Variants in SLC25A12 observed in about 807,000 individuals in gnomAD.
SLC25A12 encodes the protein solute carrier family 25 member 12.
In SLC25A12, 32 loss-of-function variants were observed where a neutral mutation model predicts 83.3. That is an observed-to-expected ratio of 0.38 (90% CI 0.29 to 0.52). The LOEUF (loss-of-function observed/expected upper bound fraction) is 0.52. Ranked by LOEUF, SLC25A12 falls within the 20% of genes least tolerant of loss-of-function variation. SLC25A12 has a pLI of 0.84. For missense variants in SLC25A12, 611 were observed against 835.6 expected, an observed-to-expected ratio of 0.73 and a Z score of 3.31; for synonymous variants, 267 against 291.1, an observed-to-expected ratio of 0.92 and a Z score of 0.84.
intron 3 of SLC25A12, among the ~76,000 whole-genome samples, chr2:171,857,350 G>A (rs1017613027): frequency 8.0e-5 from 12 of 149,550 alleles, no homozygotes; most frequent in Admixed American, 6.6e-4. Context: ...CAGCCTGGGC[G>A]ACAGACCAGA....
In SLC25A12 at chr2:171,787,870, T is replaced by A. The variant is rs751751584; in HGVS notation, c.1663A>T (p.Thr555Ser). 1 of 1,614,250 alleles carries A rather than the reference T, an allele frequency of 6.2e-7. No homozygotes were observed. The highest frequency in any genetic ancestry group is 8.5e-7 in the Non-Finnish European group (1 of 1,180,046). Residue 555 changes from threonine (T) to serine (S), a missense_variant, in exon 16 of 18, where the codon ACG becomes TCG. Around this residue, in one of 3 missense-constraint regions of SLC25A12, gnomAD observed 540 missense variants for 777.5 expected, o/e 0.69. Transcript: ENST00000422440. ...CAGTCGATGACACCACTGTATGTCG[T>A]CTGGCCAGCGCGGGCAGCCACCTGC... ...RLQVAARAGQ[T>S]TYSGVIDCFR...
At chr2:171,788,309 T>G (rs1690528038) in intron 15 of SLC25A12, 1 of 229,458 alleles carries the variant, frequency 4.4e-6, no homozygotes, top group African/African-American at 2.3e-5. Flanking sequence ...TACAAGTATT[T>G]TTATGTATAA....
rs141283818 is a variant in SLC25A12, at chr2:171,823,835, G to C, written c.930+2963C>G. Reference sequence around the variant, plus strand: ...CTGAGCATGGTGGTGTATGCCTACAGTCCCAGCTATTCAGGAGGCTGAGGT... The same window carrying C: ...CTGAGCATGGTGGTGTATGCCTACACTCCCAGCTATTCAGGAGGCTGAGGT... On this transcript the variant is annotated intron_variant, in intron 9 of 17. Coordinates refer to ENST00000422440, the MANE Select transcript of SLC25A12 (RefSeq NM_003705.5). 2.5e-3 allele frequency among the ~76,000 whole-genome samples: 376 copies of C among 152,104 alleles called. 1 individual carries two copies. Among genetic ancestry groups the C allele is most frequent in the African/African-American group, 8.4e-3 (347 of 41,476 alleles).
At chr2:171,809,439 C>T (rs899507240) in intron 13 of SLC25A12, 167 bp downstream of exon 13, 79 of 665,522 alleles carry the variant, frequency 1.2e-4, no homozygotes, top group Middle Eastern at 8.3e-4. Context: ...ACTCAAAACC[C>T]GTTAGCTTTT....
intron 8 of SLC25A12, 150 bp downstream of exon 8, chr2:171,833,812 CT>C (rs1684499043): frequency 5.6e-6 from 3 of 531,832 alleles, no homozygotes; most frequent in Middle Eastern, 5.3e-4. Context: ...TTTGTTACAT[CT>C]GCTTGTCTTT....
At chr2:171,872,856 A>AC (rs1553476639) in intron 2 of SLC25A12, among the ~76,000 whole-genome samples, 14 of 151,888 alleles carry the variant, frequency 9.2e-5, no homozygotes, top group African/African-American at 3.1e-4. Flanking sequence ...AACAAAAAAT[A>AC]CCCCCCCTTT....
intron 17 of SLC25A12, among the ~76,000 whole-genome samples, chr2:171,786,640 T>A (rs544980773): frequency 4.6e-5 from 7 of 152,302 alleles, no homozygotes; most frequent in African/African-American, 1.4e-4. Flanking sequence ...GAAAAGCTAA[T>A]AATTGCTTGC....
chr2:171,887,360 T>C (rs1685842492), intron 2 of SLC25A12, among the ~76,000 whole-genome samples: 1 of 152,212 alleles, frequency 6.6e-6, no homozygotes, highest in Non-Finnish European at 1.5e-5. Context: ...TAAAATAATA[T>C]TTGAGGTCTA....
intron 5 of SLC25A12, among the ~76,000 whole-genome samples, chr2:171,843,795 CTTT>C (rs71013078): frequency 4.3e-5 from 5 of 117,290 alleles, no homozygotes; most frequent in East Asian, 2.7e-4. Flanking sequence ...AAAGAACTAG[CTTT>C]TTTTTTTTTT....
chr2:171,867,452 G>T (rs571059175), intron 3 of SLC25A12, among the ~76,000 whole-genome samples: 1 of 152,194 alleles, frequency 6.6e-6, no homozygotes, highest in Non-Finnish European at 1.5e-5. Flanking sequence ...CCAACACAGC[G>T]AAACCCCGTC....
intron 2 of SLC25A12, among the ~76,000 whole-genome samples, chr2:171,885,748 C>A (rs989005751): frequency 1.3e-5 from 2 of 152,064 alleles, no homozygotes; most frequent in Non-Finnish European, 2.9e-5. Flanking sequence ...CTGGTGAAAA[C>A]CCTCAATTAT....
At chr2:171,865,205 G>A (rs1685260359) in intron 3 of SLC25A12, among the ~76,000 whole-genome samples, 1 of 151,986 alleles carries the variant, frequency 6.6e-6, no homozygotes, top group Non-Finnish European at 1.5e-5. Flanking sequence ...TTGGTTATTT[G>A]GAACTCGTTC....
At chr2:171,852,269 G>A (rs1684950363) in intron 4 of SLC25A12, among the ~76,000 whole-genome samples, 1 of 152,054 alleles carries the variant, frequency 6.6e-6, no homozygotes, top group Admixed American at 6.5e-5. Flanking sequence ...AAACACTCAA[G>A]TAAATGTTCA....
intron 3 of SLC25A12, among the ~76,000 whole-genome samples, chr2:171,865,852 AT>A (rs201456158): frequency 1.3e-5 from 2 of 151,650 alleles, no homozygotes; most frequent in Admixed American, 6.6e-5. Context: ...CAAAAAAAAA[AT>A]TTTTTTTAAT....
intron 3 of SLC25A12, among the ~76,000 whole-genome samples, chr2:171,863,046 C>CA (rs1247342897): frequency 1.2e-4 from 19 of 152,040 alleles, no homozygotes. Flanking sequence ...GCTATAGGCA[C>CA]ACACCATCAC....
chr2:171,789,313 C>A (rs531767334), intron 15 of SLC25A12, among the ~76,000 whole-genome samples: 1 of 152,296 alleles, frequency 6.6e-6, no homozygotes, highest in Non-Finnish European at 1.5e-5. Flanking sequence ...ACTGCAAGCT[C>A]CGCCTCCCAG....
intron 3 of SLC25A12, among the ~76,000 whole-genome samples, chr2:171,866,662 C>T (rs1231726586): frequency 8.9e-6 from 1 of 112,866 alleles, no homozygotes; most frequent in East Asian, 2.8e-4. Context: ...CCCTCCCGAA[C>T]GGGGCGGCTG....
intron 4 of SLC25A12, among the ~76,000 whole-genome samples, chr2:171,850,689 G>C (rs1684909663): frequency 6.6e-6 from 1 of 150,720 alleles, no homozygotes; most frequent in African/African-American, 2.4e-5. Flanking sequence ...TTGAACTCCT[G>C]ACCTCAGGTG....
chr2:171,862,390 AAAT>A (rs1685181355), intron 3 of SLC25A12, among the ~76,000 whole-genome samples: 1 of 152,218 alleles, frequency 6.6e-6, no homozygotes, highest in South Asian at 2.1e-4. Context: ...ACAATCCCAC[AAAT>A]AATACTTGGC....
Sources: allele counts gnomAD v4.1 joint callset (sites outside exome capture counted in the v4.1 genomes callset), GRCh38; gene constraint gnomAD v4.1.1; regional missense constraint gnomAD v4.1.1; transcripts MANE v1.5; gene names NCBI Gene and HGNC (gene_info 2026-07-23, HGNC 2026-07-21).